The following PDE1C variants were observed in gnomAD, a reference collection of about 807,000 sequenced individuals.
PDE1C encodes the protein phosphodiesterase 1C.
In PDE1C, 62 loss-of-function variants were observed where a neutral mutation model predicts 93.1. The ratio of observed to expected loss-of-function variants is 0.67; its 90% CI spans 0.54 to 0.82. The LOEUF is 0.82. Ranked by LOEUF, PDE1C falls within the 40% of genes least tolerant of loss-of-function variation. PDE1C has a pLI of 0.00. For synonymous variants in PDE1C, 325 were observed against 310.1 expected (o/e 1.05, Z -0.50); for missense variants, 742 against 884.6 (o/e 0.84, Z 2.04).
At chr7:32,008,477 C>T (rs561412242) in intron 2 of PDE1C, among the ~76,000 whole-genome samples, 91 of 152,316 alleles carry the variant, frequency 6.0e-4, no homozygotes, top group African/African-American at 2.0e-3. Flanking sequence ...ACAAGTGCAC[C>T]TGCCAGGTCC....
intron 16 of PDE1C, chr7:31,786,659 A>G (rs1177363643): frequency 2.0e-5 from 3 of 152,198 alleles, no homozygotes; most frequent in African/African-American, 7.2e-5. Context: ...GGATCAGAAC[A>G]AAGTTTCCAA....
the PDE1C span, among the ~76,000 whole-genome samples, chr7:31,709,974 ACT>A: frequency 6.6e-6 from 1 of 151,850 alleles, no homozygotes; most frequent in Non-Finnish European, 1.5e-5. Flanking sequence ...ACACAGAGAG[ACT>A]CTGTCTCCAC....
chr7:32,047,771 AAGTT>A (rs1433406267), intron 2 of PDE1C, among the ~76,000 whole-genome samples: 2 of 152,188 alleles, frequency 1.3e-5, no homozygotes, highest in African/African-American at 2.4e-5. Flanking sequence ...AATAAAATGA[AAGTT>A]AGCAAGAAAA....
the PDE1C span, chr7:31,643,149 C>T: frequency 1.2e-6 from 2 of 1,613,828 alleles, no homozygotes; most frequent in Non-Finnish European, 1.7e-6. Context: ...AAAGCCACCA[C>T]AATGAGTCTC....
intron 1 of PDE1C, among the ~76,000 whole-genome samples, chr7:32,238,542 C>T (rs904605993): frequency 7.2e-5 from 11 of 152,202 alleles, no homozygotes; most frequent in African/African-American, 2.7e-4. Context: ...TGGAACTTGA[C>T]AAGCTTGTTC....
intron 17 of PDE1C, among the ~76,000 whole-genome samples, chr7:31,766,846 A>G (rs1032792004): frequency 3.1e-4 from 47 of 152,336 alleles, no homozygotes; most frequent in Admixed American, 2.2e-3. Context: ...TTGCATTATA[A>G]AATACTACAC....
intron 1 of PDE1C, among the ~76,000 whole-genome samples, chr7:32,222,235 G>A (rs896323078): frequency 3.3e-5 from 5 of 152,186 alleles, no homozygotes; most frequent in African/African-American, 4.8e-5. Flanking sequence ...TCATCGCATC[G>A]TTACCAACTG....
At chr7:31,652,375 T>C in the PDE1C span, 1 of 1,286,674 alleles carries the variant, frequency 7.8e-7, no homozygotes, top group Non-Finnish European at 1.0e-6. Flanking sequence ...ATAAGCTAAG[T>C]CACTATCAGA....
intron 2 of PDE1C, among the ~76,000 whole-genome samples, chr7:31,924,273 A>T (rs185806290): frequency 6.6e-6 from 1 of 152,344 alleles, no homozygotes; most frequent in Admixed American, 6.5e-5. Context: ...CACAGGACAG[A>T]CAATCAATAT....
the PDE1C span, among the ~76,000 whole-genome samples, chr7:31,654,798 G>C: frequency 6.6e-6 from 1 of 152,102 alleles, no homozygotes; most frequent in Non-Finnish European, 1.5e-5. Flanking sequence ...TCAAAGGAGA[G>C]GTCACTTCTT....
intron 16 of PDE1C, among the ~76,000 whole-genome samples, chr7:31,778,599 T>C (rs1783177326): frequency 6.6e-6 from 1 of 152,184 alleles, no homozygotes; most frequent in Admixed American, 6.5e-5. Context: ...TGCCCTCCAT[T>C]GAGAATCTCT....
At chr7:31,683,297 A>G in the PDE1C span, among the ~76,000 whole-genome samples, 1 of 152,238 alleles carries the variant, frequency 6.6e-6, no homozygotes, top group South Asian at 2.1e-4. Context: ...CATGTGAACT[A>G]CAATTATCTC....
chr7:31,694,797 T>C, the PDE1C span, among the ~76,000 whole-genome samples: 1 of 152,244 alleles, frequency 6.6e-6, no homozygotes, highest in Non-Finnish European at 1.5e-5. Context: ...CCGTAACGAC[T>C]TCTGATAGAC....
intron 2 of PDE1C, among the ~76,000 whole-genome samples, chr7:31,897,752 T>C (rs1368490440): frequency 6.6e-6 from 1 of 152,196 alleles, no homozygotes; most frequent in Non-Finnish European, 1.5e-5. Context: ...TTTGGATTGT[T>C]TTTCCTGAAT....
intron 9 of PDE1C, among the ~76,000 whole-genome samples, chr7:31,839,429 C>T (rs1791565470): frequency 7.0e-6 from 1 of 142,502 alleles, no homozygotes; most frequent in Admixed American, 7.4e-5. Flanking sequence ...CACACACACA[C>T]ACACATATAT....
chr7:31,886,881 G>GAATAGATCTATTCGGAATA (rs1583793857), intron 2 of PDE1C, among the ~76,000 whole-genome samples: 1 of 14,574 alleles, frequency 6.9e-5, no homozygotes, highest in Admixed American at 5.8e-4. Context: ...GATCTATTCA[G>GAATAGATCTATTCGGAATA]GGGCGTGTCA....
chr7:31,684,242 A>T, the PDE1C span, among the ~76,000 whole-genome samples: 3 of 152,200 alleles, frequency 2.0e-5, no homozygotes, highest in African/African-American at 7.2e-5. Context: ...TCAAAGGGGA[A>T]ATCAGGGATT....
chr7:32,350,112 T>G (rs1406694031), intron 1 of PDE1C, among the ~76,000 whole-genome samples: 2 of 152,088 alleles, frequency 1.3e-5, no homozygotes, highest in African/African-American at 4.8e-5. Flanking sequence ...TTCCTTCTTC[T>G]TTTTCTTCCT....
At chr7:32,034,054 C>CTGTGTGTGTGTGTG (rs5883321) in intron 2 of PDE1C, among the ~76,000 whole-genome samples, 2,348 of 148,470 alleles carry the variant, frequency 0.016, 75 homozygotes, top group African/African-American at 0.056. Flanking sequence ...AGATGAGAGA[C>CTGTGTGTGTGTGTG]TGTGTGTGTG....
Sources: gnomAD v4.1 joint callset for allele counts (sites outside exome capture counted in the v4.1 genomes callset) on GRCh38, gnomAD v4.1.1 for gene constraint, MANE v1.5 for transcripts, NCBI Gene and HGNC (gene_info 2026-07-23, HGNC 2026-07-21) for gene names.